YY1: variants seen among roughly 807,000 people sequenced by gnomAD.
The protein encoded by YY1 is transcriptional repressor protein YY1.
A neutral mutation model predicts 35.6 loss-of-function variants in YY1; 2 were observed. The ratio of observed to expected loss-of-function variants is 0.06; its 90% CI spans 0.02 to 0.18. The LOEUF (loss-of-function observed/expected upper bound fraction) is 0.18, where lower values mean the gene tolerates loss of function less well. Ranked by LOEUF, YY1 falls within the 10% of genes least tolerant of loss-of-function variation. The pLI, the probability that YY1 is intolerant of heterozygous loss-of-function variation, is 1.00. For missense variants in YY1, 322 were observed against 573.4 expected, an observed-to-expected ratio of 0.56 and a Z score of 4.48; for synonymous variants, 268 against 238.9, an observed-to-expected ratio of 1.12 and a Z score of -1.12.
chr14:100,266,092 A>G (rs751894629), intron 2 of YY1, among the ~76,000 whole-genome samples: 3 of 152,128 alleles, frequency 2.0e-5, no homozygotes, highest in African/African-American at 4.8e-5. Flanking sequence ...AACCCCTGAT[A>G]AACCCATCTC....
Position 100,239,450 on chromosome 14 carries a change from G to GCCACCACCA in YY1, c.216_224dup (p.His78_His80dup). ...GGCGGGGGCGGCCACGGGCACGCCG[G>GCCACCACCA]CCACCACCACCACCACCATCACCAC... is the stretch of plus-strand genomic sequence containing the variant. On this transcript the variant is annotated inframe_insertion, in exon 1 of 5. Transcript: ENST00000262238. 1 of 1,595,192 alleles carries GCCACCACCA rather than the reference G, an allele frequency of 6.3e-7. No homozygotes were observed. Among genetic ancestry groups the GCCACCACCA allele is most frequent in the Non-Finnish European group, 8.5e-7 (1 of 1,173,194 alleles).
rs185793496 is a variant in YY1 at position 100,244,658 on chromosome 14, C to T, written c.679+4735C>T. Among the ~76,000 whole-genome samples, 165 of 150,406 alleles carry T rather than the reference C, an allele frequency of 1.1e-3. 3 individuals are homozygous for T. In the East Asian group the frequency reaches 0.03, roughly 27 times the overall value. The stretch of plus-strand genomic sequence containing the variant: ...AGTGCAGTGAGACAGTCACGGCTCA[C>T]GGCAGCCTCAACCTCCCGGGCTGAA... On this transcript the variant is annotated intron_variant, in intron 1 of 4. Transcript: ENST00000262238.
rs755579453 is a variant in YY1 at position 100,239,286 on chromosome 14, G to A, written c.42G>A (p.Ser14=). 47 of 1,594,824 alleles carry A rather than the reference G, an allele frequency of 2.9e-5. No homozygotes were observed. The South Asian group carries it at 4.9e-4, about 16-fold the overall frequency. ...GDTLYIATDG[S]EMPAEIVELH... ...CCCTCTACATCGCCACGGACGGCTC[G>A]GAGATGCCGGCCGAGATCGTGGAGC... Residue 14 remains serine, a synonymous_variant, in exon 1 of 5, where the codon TCG becomes TCA. Coordinates refer to ENST00000262238, the MANE Select transcript of YY1 (RefSeq NM_003403.5).
At position 100,239,231 on chromosome 14, in the gene YY1, C is replaced by T. The variant is rs764129153; in HGVS notation, c.-14C>T. On this transcript the variant is annotated 5_prime_UTR_variant, in exon 1 of 5. Coordinates refer to ENST00000262238, the MANE Select transcript of YY1 (RefSeq NM_003403.5). ...GCCGAGGCCGCCGCGGCCGTGGCGG[C>T]GGAGCCCTCAGCCATGGCCTCGGGC... 9 of 1,492,130 alleles carry T rather than the reference C, an allele frequency of 6.0e-6. No individual in the cohort carries two copies. The highest frequency in any genetic ancestry group is 3.8e-5 in the South Asian group (3 of 79,330). 92.4% of individuals were successfully genotyped at this position (1,492,130 alleles called of 1,614,324 possible). A position where few individuals can be genotyped will look rare whatever the true frequency, so the allele number is the denominator to read the frequency against.
intron 2 of YY1, among the ~76,000 whole-genome samples, chr14:100,269,259 A>G (rs879826102): frequency 6.6e-6 from 1 of 152,214 alleles, no homozygotes; most frequent in South Asian, 2.1e-4. Context: ...AATAAGAGCT[A>G]TCATTTCCCA....
chr14:100,257,893 C>T (rs2139584268), intron 1 of YY1, among the ~76,000 whole-genome samples: 1 of 152,280 alleles, frequency 6.6e-6, no homozygotes, highest in South Asian at 2.1e-4. Context: ...AATCCCAGCA[C>T]TTTGGTAGGC....
intron 1 of YY1, among the ~76,000 whole-genome samples, chr14:100,245,779 G>C (rs2139569584): frequency 6.6e-6 from 1 of 151,874 alleles, no homozygotes; most frequent in South Asian, 2.1e-4. Flanking sequence ...GCTAATTTTT[G>C]TATTTTTAAT....
At chr14:100,266,458 G>T (rs557514482) in intron 2 of YY1, among the ~76,000 whole-genome samples, 2 of 152,234 alleles carry the variant, frequency 1.3e-5, no homozygotes, top group African/African-American at 4.8e-5. Flanking sequence ...ATTAGGTGTT[G>T]GTGACCCTTG....
chr14:100,258,951 A>G (rs890477281), intron 1 of YY1, among the ~76,000 whole-genome samples: 1 of 152,238 alleles, frequency 6.6e-6, no homozygotes, highest in Admixed American at 6.5e-5. Context: ...CTGAGGTCAG[A>G]AAGCTGTGTG....
chr14:100,271,177 G>A (rs1891232920), intron 2 of YY1, among the ~76,000 whole-genome samples: 1 of 152,118 alleles, frequency 6.6e-6, no homozygotes, highest in Non-Finnish European at 1.5e-5. Flanking sequence ...AACCTGGGAG[G>A]CAGAGCTTGC....
chr14:100,275,987 G>A (rs1312645523), intron 3 of YY1: 1 of 166,630 alleles, frequency 6.0e-6, no homozygotes, highest in Non-Finnish European at 1.3e-5. Flanking sequence ...CTGTCAAGAA[G>A]GGGAAAGAGG....
intron 2 of YY1, chr14:100,265,391 C>CA (rs944736344): frequency 1.3e-4 from 19 of 148,332 alleles, no homozygotes; most frequent in African/African-American, 1.7e-4. Flanking sequence ...CCTCCCCCAC[C>CA]AAAAAAAAAG....
At chr14:100,243,055 C>G (rs1017385242) in intron 1 of YY1, among the ~76,000 whole-genome samples, 8 of 152,196 alleles carry the variant, frequency 5.3e-5, no homozygotes, top group Non-Finnish European at 1.0e-4. Context: ...AACTATCCCC[C>G]TTACTTTTCC....
At chr14:100,270,555 G>A (rs1005130640) in intron 2 of YY1, among the ~76,000 whole-genome samples, 2 of 151,774 alleles carry the variant, frequency 1.3e-5, no homozygotes, top group Admixed American at 1.3e-4. Flanking sequence ...CCCAGGAGGC[G>A]GAGGTTGCAG....
At chr14:100,248,971 G>A (rs1039213866) in intron 1 of YY1, among the ~76,000 whole-genome samples, 28 of 152,044 alleles carry the variant, frequency 1.8e-4, no homozygotes, top group African/African-American at 6.5e-4. Flanking sequence ...ACAGGCGTTA[G>A]CCATCACGCC....
In YY1 at chr14:100,239,470, C is replaced by G. The variant is rs1038824676; in HGVS notation, c.226C>G (p.His76Asp). The change falls in exon 1 of 5, where the codon CAC (histidine) becomes GAC (aspartate). Residue 76 changes from histidine to aspartate, a missense_variant. Physicochemically the swap from His to Asp is moderately conservative, Grantham distance 81. Transcript: ENST00000262238. ...GHAGHHHHHHHHHHHPPMIAL... is the reference protein window; with the variant it reads ...GHAGHHHHHHDHHHHPPMIAL... ...CGCCGGCCACCACCACCACCACCAT[C>G]ACCACCACCACCACCCGCCCATGAT... is the stretch of plus-strand genomic sequence containing the variant. 6 of 1,584,540 alleles carry G rather than the reference C, an allele frequency of 3.8e-6. No individual in the cohort carries two copies. Among genetic ancestry groups the G allele is most frequent in the Non-Finnish European group, 4.3e-6 (5 of 1,162,810 alleles).
At chr14:100,242,836 C>T (rs1890771740) in intron 1 of YY1, among the ~76,000 whole-genome samples, 1 of 152,086 alleles carries the variant, frequency 6.6e-6, no homozygotes, top group South Asian at 2.1e-4. Flanking sequence ...GCAACCTTCA[C>T]CTCCCGGATT....
intron 1 of YY1, among the ~76,000 whole-genome samples, chr14:100,240,143 C>T (rs1890707858): frequency 1.4e-5 from 2 of 145,876 alleles, no homozygotes; most frequent in South Asian, 4.2e-4. Context: ...CGCCGCCCGG[C>T]TAGGCCGCAA....
chr14:100,239,210 AGGCCGCCGC>A lies in YY1; in HGVS notation c.-29_-21del, dbSNP rs924720275. The A allele has an allele frequency of 2.1e-6, 3 of 1,443,710 alleles. No homozygotes were observed. The highest frequency in any genetic ancestry group is 1.5e-5 in the African/African-American group (1 of 64,936). The allele number at this position is 1,443,710 out of a possible 1,614,324, so 89.4% of individuals were successfully genotyped here. ...CCGCCCGCCCGCAGCCGAGGAGCCGAGGCCGCCGCGGCCGTGGCGGCGGAGCCCTCAGCC... is the reference window on the plus strand; with the variant it reads ...CCGCCCGCCCGCAGCCGAGGAGCCGAGGCCGTGGCGGCGGAGCCCTCAGCC... On this transcript the variant is annotated 5_prime_UTR_variant, in exon 1 of 5. Coordinates refer to ENST00000262238, the MANE Select transcript of YY1 (RefSeq NM_003403.5).
Sources: gnomAD v4.1 joint callset for allele counts (sites outside exome capture counted in the v4.1 genomes callset) on GRCh38, gnomAD v4.1.1 for gene constraint, MANE v1.5 for transcripts, NCBI Gene and HGNC (gene_info 2026-07-23, HGNC 2026-07-21) for gene names.